The following SNAPC4 variants were observed in gnomAD, a reference collection of about 807,000 sequenced individuals.
SNAPC4 encodes small nuclear RNA activating complex polypeptide 4.
Under a neutral mutation model 151.3 loss-of-function variants are expected in SNAPC4, and 127 were observed. The ratio of observed to expected loss-of-function variants is 0.84; its 90% CI spans 0.73 to 0.97. The LOEUF (loss-of-function observed/expected upper bound fraction) is 0.97. Among genes scored for constraint, SNAPC4 ranks in the 50% least tolerant of loss-of-function variants. The pLI is 0.00. For missense variants in SNAPC4, 2,186 were observed against 1,935.0 expected (o/e 1.13, Z -2.43); for synonymous variants, 1,002 against 824.4 (o/e 1.22, Z -3.69).
chr9:136,379,060 C>A lies in SNAPC4; in HGVS notation c.2767G>T (p.Val923Phe). 2 of 1,586,532 alleles carry A rather than the reference C, an allele frequency of 1.3e-6. No individual in the cohort carries two copies. Among genetic ancestry groups the A allele is most frequent in the Non-Finnish European group, 8.6e-7 (1 of 1,167,194 alleles). ...GGCTGGAGGATCACAGACGAGGAGACCAGCAGCTGGGACGGGAGCACCACC... is the reference window on the plus strand; with the variant it reads ...GGCTGGAGGATCACAGACGAGGAGAACAGCAGCTGGGACGGGAGCACCACC... ...GPVVLPSQLL[V>F]SSSVILQPPL... The change falls in exon 22 of 24, where the codon GTC becomes TTC. Residue 923 changes from valine to phenylalanine, a missense_variant. By Grantham distance (50) the Val-to-Phe change is conservative. Transcript: ENST00000684778.
At chr9:136,394,635 T>G (rs1834196689) in intron 6 of SNAPC4, among the ~76,000 whole-genome samples, 165 bp downstream of exon 6, 1 of 151,816 alleles carries the variant, frequency 6.6e-6, no homozygotes, top group Non-Finnish European at 1.5e-5. Flanking sequence ...CTGCTCAGTG[T>G]GGAAAGGCAG....
intron 3 of SNAPC4, 73 bp downstream of exon 3, chr9:136,396,904 C>G: frequency 8.3e-7 from 1 of 1,206,556 alleles, no homozygotes; most frequent in Non-Finnish European, 1.2e-6. Context: ...CAAACCACGC[C>G]CCCTCCCAGG....
At position 136,383,899 on chromosome 9, in the gene SNAPC4, C is replaced by T. The variant is rs906843218; in HGVS notation, c.1500+54G>A. 1.7e-5 allele frequency: 26 copies of T among 1,518,462 alleles called. No homozygotes were observed. In the African/African-American group the frequency reaches 2.5e-4, roughly 14 times the overall value. The allele number at this position is 1,518,462 out of a possible 1,614,324, so 94.1% of individuals were successfully genotyped here. A position where few individuals can be genotyped will look rare whatever the true frequency, so the allele number is the denominator to read the frequency against. ...CCCCTCCTCCTGCCTGCTGGACCCC[C>T]CAGTTGACCAGGCCATTGTCTGGTT... On this transcript the variant is annotated intron_variant, in intron 15 of 23. Coordinates refer to ENST00000684778, the MANE Select transcript of SNAPC4 (RefSeq NM_003086.4). This position sits in a 1 kb window ranked among gnomAD's most constrained non-coding sequence, Gnocchi z 4.2.
At position 136,377,919 on chromosome 9, in the gene SNAPC4, T is replaced by TAGGCCG; in HGVS notation, c.3907_3908insCGGCCT (p.Pro1302_Tyr1303insSerAla). ...CAGGCTGCACAGGGCTGGGGGCTGA[T>TAGGCCG]AGGGCAGTCTGCTGCCCAGAAGAGG... On this transcript the variant is annotated inframe_insertion, in exon 22 of 24. Transcript: ENST00000684778. The TAGGCCG allele has an allele frequency of 6.2e-7, 1 of 1,610,004 alleles. No individual in the cohort carries two copies. The highest frequency in any genetic ancestry group is 1.1e-5 in the South Asian group (1 of 91,024).
At chr9:136,393,266 C>T (rs1834144532) in intron 7 of SNAPC4, among the ~76,000 whole-genome samples, 1 of 152,222 alleles carries the variant, frequency 6.6e-6, no homozygotes, top group African/African-American at 2.4e-5. Context: ...CCACGGGGGG[C>T]AGGCGGGACC....
chr9:136,391,129 C>T (rs946978174), intron 10 of SNAPC4, among the ~76,000 whole-genome samples: 8 of 152,160 alleles, frequency 5.3e-5, no homozygotes, highest in African/African-American at 1.9e-4. Flanking sequence ...CCACTGTGCC[C>T]GGCAGAATTA....
Position 136,380,854 on chromosome 9 carries a change from C to T in SNAPC4, c.2389-4G>A, listed in dbSNP as rs527517883. ...CGGCAGTATCGATGTGGAACAGCTG[C>T]GGGACACAGGAGGCAACCTAACCAT... is the stretch of plus-strand genomic sequence containing the variant. On this transcript the variant is annotated splice_region_variant and splice_polypyrimidine_tract_variant and intron_variant, in intron 19 of 23. Coordinates refer to ENST00000684778, the MANE Select transcript of SNAPC4 (RefSeq NM_003086.4). The T allele has an allele frequency of 3.4e-5, 53 of 1,561,192 alleles. No homozygotes were observed. The South Asian group carries it at 3.5e-4, about 10-fold the overall frequency.
At position 136,378,195 on chromosome 9, in the gene SNAPC4, C is replaced by T. The variant is rs1023203937; in HGVS notation, c.3632G>A (p.Gly1211Asp). 6.8e-6 allele frequency: 11 copies of T among 1,612,164 alleles called. No homozygotes were observed. Among genetic ancestry groups the T allele is most frequent in the South Asian group, 2.2e-5 (2 of 90,914 alleles). The stretch of plus-strand genomic sequence containing the variant: ...CCTTGGCTCAGTTGCTGGGATGACA[C>T]CACCGAAGGCTGGCAGCCTCCCGGA... The part of the protein sequence containing the change: ...PWSGRLPAFG[G>D]VIPATEPRGT... The change falls in exon 22 of 24, where the codon GGT (glycine) becomes GAT (aspartate). Residue 1211 changes from glycine to aspartate, a missense_variant. Gly to Asp is a moderately conservative substitution (Grantham distance 94). Transcript: ENST00000684778.
At chr9:136,388,370 T>C in intron 11 of SNAPC4, 74 bp downstream of exon 11, 1 of 1,495,020 alleles carries the variant, frequency 6.7e-7, no homozygotes, top group South Asian at 1.2e-5. Context: ...CTGTGAATTT[T>C]CCCTGCAAGT....
intron 10 of SNAPC4, among the ~76,000 whole-genome samples, chr9:136,391,567 G>A (rs1834075086): frequency 6.6e-6 from 1 of 152,196 alleles, no homozygotes; most frequent in East Asian, 1.9e-4. Context: ...TCCTTACTCA[G>A]GAAACCAGAA....
chr9:136,385,677 T>C (rs1455252275), intron 13 of SNAPC4, among the ~76,000 whole-genome samples: 1 of 151,830 alleles, frequency 6.6e-6, no homozygotes, highest in African/African-American at 2.4e-5. Flanking sequence ...TGCCTCAGCC[T>C]CCCGAGTAGC....
chr9:136,384,859 G>A (rs368012068), intron 13 of SNAPC4, 45 bp from the exon 14 acceptor site: 7 of 1,027,126 alleles, frequency 6.8e-6, no homozygotes, highest in South Asian at 2.8e-5. Flanking sequence ...ATGCCGAGAC[G>A]CCGCCCGCTG....
At chr9:136,388,830 C>T (rs1409782219) in intron 10 of SNAPC4, among the ~76,000 whole-genome samples, 2 of 147,906 alleles carry the variant, frequency 1.4e-5, no homozygotes. Flanking sequence ...CAAACCTTCA[C>T]TTAAGAAAAT....
At position 136,395,764 on chromosome 9, in the gene SNAPC4, C is replaced by T. The variant is rs772218513; in HGVS notation, c.184G>A (p.Glu62Lys). Reference sequence around the variant, plus strand: ...TCATTGCTGGCTTCGCCCCACCTTTCTTCTTCCTGGTAACGAGCCAGAAAT... The same window carrying T: ...TCATTGCTGGCTTCGCCCCACCTTTTTTCTTCCTGGTAACGAGCCAGAAAT... ...DPADPPISEE[E>K]RWGEASNDED... is the part of the protein sequence containing the mutation. Residue 62 changes from glutamate to lysine, a missense_variant, in exon 4 of 24, where the codon GAA becomes AAA. Physicochemically the swap from Glu to Lys is moderately conservative, Grantham distance 56 (BLOSUM62 1). Coordinates refer to ENST00000684778, the MANE Select transcript of SNAPC4 (RefSeq NM_003086.4). 1.2e-6 allele frequency: 2 copies of T among 1,610,132 alleles called. No homozygotes were observed. The highest frequency in any genetic ancestry group is 1.7e-6 in the Non-Finnish European group (2 of 1,177,416).
chr9:136,390,809 A>T (rs539263801), intron 10 of SNAPC4, among the ~76,000 whole-genome samples: 1 of 152,156 alleles, frequency 6.6e-6, no homozygotes, highest in South Asian at 2.1e-4. Flanking sequence ...AAATATACAT[A>T]GAAGAAAAAC....
chr9:136,382,121 C>A (rs778158676), intron 17 of SNAPC4, 48 bp from the exon 18 acceptor site: 2 of 1,560,864 alleles, frequency 1.3e-6, no homozygotes, highest in South Asian at 1.2e-5. Flanking sequence ...GCTCGGCCCC[C>A]GGAGTGGACC....
At chr9:136,382,378 G>A (rs758405158) in intron 16 of SNAPC4, 42 bp from the exon 17 acceptor site, 53 of 1,534,742 alleles carry the variant, frequency 3.5e-5, no homozygotes, top group East Asian at 2.5e-4. Flanking sequence ...CGGGGTGTAC[G>A]GGACACATGG....
At position 136,377,733 on chromosome 9, in the gene SNAPC4, C is replaced by T. The variant is rs757686250; in HGVS notation, c.4094G>A (p.Arg1365Gln). The change falls in exon 22 of 24, where the codon CGG becomes CAG. Residue 1365 changes from arginine to glutamine, a missense_variant. Coordinates refer to ENST00000684778, the MANE Select transcript of SNAPC4 (RefSeq NM_003086.4). ...LQDNPAYLLL[R>Q]ARFLAAFTLP... ...GGTGAAGGCTGCCAGGAACCGCGCC[C>T]GCAACAGGAGGTAGGCCGGGTTGTC... 71 of 1,609,388 alleles carry T rather than the reference C, an allele frequency of 4.4e-5. No homozygotes were observed. The East Asian group carries it at 1.1e-3, about 24-fold the overall frequency.
Position 136,376,342 on chromosome 9 carries a change from G to T in SNAPC4, c.*7+7C>A. ...GTAGGGCAGTGGCCTCCCCACTCAG[G>T]ACTCACCTGCTGCTCACACCAGCCG... is the stretch of plus-strand genomic sequence containing the variant. On this transcript the variant is annotated splice_region_variant and intron_variant, in intron 23 of 23. Coordinates refer to ENST00000684778, the MANE Select transcript of SNAPC4 (RefSeq NM_003086.4). The T allele has an allele frequency of 1.9e-6, 3 of 1,612,740 alleles. No homozygotes were observed. The highest frequency in any genetic ancestry group is 2.5e-6 in the Non-Finnish European group (3 of 1,179,862).
Sources: gnomAD v4.1 joint callset for allele counts (sites outside exome capture counted in the v4.1 genomes callset) on GRCh38, gnomAD v4.1.1 for gene constraint, Gnocchi (gnomAD v3.1) non-coding constraint, MANE v1.5 for transcripts, NCBI Gene and HGNC (gene_info 2026-07-23, HGNC 2026-07-21) for gene names.